COG5: variants seen among roughly 807,000 people sequenced by gnomAD.
COG5 encodes component of oligomeric golgi complex 5, also known as conserved oligomeric Golgi complex subunit 5.
In COG5, 86 loss-of-function variants were observed where a neutral mutation model predicts 110.4. The observed-to-expected ratio is 0.78, with a 90% CI of 0.65 to 0.93. The LOEUF (loss-of-function observed/expected upper bound fraction) is 0.93. Among genes scored for constraint, COG5 ranks in the 40% least tolerant of loss-of-function variants. The probability of loss-of-function intolerance (pLI) is 0.00; values close to 1 mark genes in which losing one functional copy is unlikely to be tolerated. For missense variants in COG5, 1,077 were observed against 987.0 expected, an observed-to-expected ratio of 1.09 and a Z score of -1.22; for synonymous variants, 360 against 334.6, an observed-to-expected ratio of 1.08 and a Z score of -0.83.
At chr7:107,512,549 T>C (rs1223026310) in intron 6 of COG5, among the ~76,000 whole-genome samples, 1 of 152,196 alleles carries the variant, frequency 6.6e-6, no homozygotes, top group Non-Finnish European at 1.5e-5. Flanking sequence ...AAAACTACTT[T>C]AAACTTCATA....
At chr7:107,372,045 A>C (rs1814217538) in intron 8 of COG5, among the ~76,000 whole-genome samples, 1 of 152,188 alleles carries the variant, frequency 6.6e-6, no homozygotes, top group African/African-American at 2.4e-5. Context: ...GAAAAGGTTT[A>C]CAGACTCCTA....
At position 107,240,622 on chromosome 7, in the gene COG5, G is replaced by A. The variant is rs901741384; in HGVS notation, c.1854-3935C>T. Among the ~76,000 whole-genome samples the A allele has an allele frequency of 1.4e-4, 22 of 152,354 alleles. No individual in the cohort carries two copies. The East Asian group carries it at 4.2e-3, about 29-fold the overall frequency. ...ACTTAGGAATAGGTGTGGAGGGCTT[G>A]AAGGGTCAGGTTTTCACTATTGTTT... On this transcript the variant is annotated intron_variant, in intron 17 of 21. Transcript: ENST00000297135.
At chr7:107,480,320 A>C (rs927657748) in intron 6 of COG5, among the ~76,000 whole-genome samples, 3 of 152,178 alleles carry the variant, frequency 2.0e-5, no homozygotes, top group African/African-American at 7.2e-5. Flanking sequence ...TAAGATGAGA[A>C]ATAAGAAAAC....
chr7:107,241,183 T>C (rs912168259), intron 17 of COG5, among the ~76,000 whole-genome samples: 2 of 152,164 alleles, frequency 1.3e-5, no homozygotes, highest in Non-Finnish European at 2.9e-5. Flanking sequence ...TGACCACTGT[T>C]ATTATAGAAT....
chr7:107,519,729 G>T (rs1235262540), intron 6 of COG5, among the ~76,000 whole-genome samples: 1 of 152,144 alleles, frequency 6.6e-6, no homozygotes, highest in Non-Finnish European at 1.5e-5. Context: ...AGAGGAGCTG[G>T]TACCACTCCT....
intron 6 of COG5, among the ~76,000 whole-genome samples, chr7:107,441,872 T>C (rs1242094126): frequency 6.6e-6 from 1 of 152,236 alleles, no homozygotes; most frequent in Non-Finnish European, 1.5e-5. Flanking sequence ...ATAAGTCACA[T>C]TTTAAAATAG....
At chr7:107,481,568 T>C (rs547022776) in intron 6 of COG5, among the ~76,000 whole-genome samples, 1 of 152,222 alleles carries the variant, frequency 6.6e-6, no homozygotes, top group African/African-American at 2.4e-5. Context: ...GTACACTGGT[T>C]GGGTATACTG....
At chr7:107,530,622 A>C (rs973596286) in intron 5 of COG5, among the ~76,000 whole-genome samples, 13 of 151,230 alleles carry the variant, frequency 8.6e-5, no homozygotes, top group Non-Finnish European at 1.6e-4. Flanking sequence ...AAAAAAAAAA[A>C]AAAACACAGT....
chr7:107,244,101 T>A (rs771617875), intron 17 of COG5, among the ~76,000 whole-genome samples: 1 of 151,696 alleles, frequency 6.6e-6, no homozygotes, highest in Admixed American at 6.6e-5. Context: ...ATTACAAAGA[T>A]TAGCTGGGGT....
chr7:107,560,647 G>A (rs974645752), intron 1 of COG5, among the ~76,000 whole-genome samples: 2 of 152,114 alleles, frequency 1.3e-5, no homozygotes, highest in African/African-American at 4.8e-5. Context: ...AACTACCAGA[G>A]GAAAAGATTA....
At chr7:107,509,504 TCTAG>T (rs1799324953) in intron 6 of COG5, among the ~76,000 whole-genome samples, 1 of 152,134 alleles carries the variant, frequency 6.6e-6, no homozygotes, top group Admixed American at 6.5e-5. Flanking sequence ...ACTTCCCCAA[TCTAG>T]CAAGGCAGGC....
At chr7:107,278,882 G>A (rs1210012123) in intron 14 of COG5, among the ~76,000 whole-genome samples, 1 of 152,148 alleles carries the variant, frequency 6.6e-6, no homozygotes, top group Non-Finnish European at 1.5e-5. Flanking sequence ...CATGGGCAAA[G>A]ACTTCATGAC....
At position 107,474,406 on chromosome 7, in the gene COG5, T is replaced by G; in HGVS notation, c.538+52831A>C. ...GGAGAGTAACACTGCTCTCATTTGC[T>G]GTTTCCATGAGGCTTGTGTATCTTT... On this transcript the variant is annotated intron_variant, in intron 6 of 21. Transcript: ENST00000297135. The surrounding 1 kb of genome is among the most constrained non-coding windows in gnomAD (Gnocchi z 5.7). The G allele has an allele frequency of 1.2e-6, 2 of 1,613,024 alleles. No individual in the cohort carries two copies. Among genetic ancestry groups the G allele is most frequent in the Non-Finnish European group, 1.7e-6 (2 of 1,179,144 alleles).
chr7:107,483,893 T>TTC, intron 6 of COG5, among the ~76,000 whole-genome samples: 1 of 150,548 alleles, frequency 6.6e-6, no homozygotes. Flanking sequence ...GTTATACATT[T>TTC]TTTTTTTTCC....
At chr7:107,295,760 T>A (rs926496520) in intron 12 of COG5, among the ~76,000 whole-genome samples, 3 of 152,166 alleles carry the variant, frequency 2.0e-5, no homozygotes, top group African/African-American at 4.8e-5. Context: ...TTTTTTACTC[T>A]AATTTGTTTT....
chr7:107,277,775 G>A (rs1315607581), intron 14 of COG5, among the ~76,000 whole-genome samples: 4 of 151,980 alleles, frequency 2.6e-5, no homozygotes, highest in African/African-American at 7.3e-5. Context: ...GTATCGCTTT[G>A]GATTCAGAAG....
At chr7:107,312,372 G>C (rs1198333949) in intron 11 of COG5, among the ~76,000 whole-genome samples, 5 of 152,186 alleles carry the variant, frequency 3.3e-5, no homozygotes, top group African/African-American at 1.2e-4. Context: ...GCAGAGCCCA[G>C]TGGGAGACTC....
Position 107,434,979 on chromosome 7 carries a change from A to G in COG5, c.539-22347T>C, listed in dbSNP as rs546468990. On this transcript the variant is annotated intron_variant, in intron 6 of 21. Transcript: ENST00000297135. ...AGCGAGACTCCGTCTTAAAAAAAAA[A>G]AAAAAGAACAAAATCCTGTCACATA... Among the ~76,000 whole-genome samples the G allele has an allele frequency of 1.2e-4, 19 of 152,274 alleles. No individual in the cohort carries two copies. In the South Asian group the frequency reaches 3.5e-3, roughly 28 times the overall value.
chr7:107,294,989 A>C (rs1806539366), intron 12 of COG5, among the ~76,000 whole-genome samples: 1 of 135,992 alleles, frequency 7.4e-6, no homozygotes, highest in Non-Finnish European at 1.6e-5. Flanking sequence ...ACATATATAC[A>C]CACATATACA....
Sources: gnomAD v4.1 joint callset for allele counts (sites outside exome capture counted in the v4.1 genomes callset) on GRCh38, gnomAD v4.1.1 for gene constraint, Gnocchi (gnomAD v3.1) non-coding constraint, MANE v1.5 for transcripts, NCBI Gene and HGNC (gene_info 2026-07-23, HGNC 2026-07-21) for gene names.